Variants in STRC observed in about 807,000 individuals in gnomAD.
STRC encodes stereocilin.
A neutral mutation model predicts 103.5 loss-of-function variants in STRC; 43 were observed. The ratio of observed to expected loss-of-function variants is 0.42; its 90% CI spans 0.33 to 0.54. The LOEUF is 0.54. Ranked by LOEUF, STRC falls within the 20% of genes least tolerant of loss-of-function variation. The probability of loss-of-function intolerance (pLI) is 0.14; values close to 1 mark genes in which losing one functional copy is unlikely to be tolerated. For missense variants in STRC, 499 were observed against 1,088.5 expected, an observed-to-expected ratio of 0.46 and a Z score of 7.62; for synonymous variants, 186 against 442.3, an observed-to-expected ratio of 0.42 and a Z score of 7.27.
At chr15:43,602,121 C>CAAAAA (rs35561492) in intron 23 of STRC, among the ~76,000 whole-genome samples, 1 of 38,266 alleles carries the variant, frequency 2.6e-5, no homozygotes, top group African/African-American at 8.9e-5. Context: ...GACTCTGTCT[C>CAAAAA]AAAAAAAAAA....
At chr15:43,603,094 C>T in intron 23 of STRC, 148 bp downstream of exon 23, 1 of 825,286 alleles carries the variant, frequency 1.2e-6, no homozygotes, top group Non-Finnish European at 2.0e-6. Flanking sequence ...ATTTATCTCC[C>T]TTCACCTCCT....
At chr15:43,606,495 C>G (rs2597063) in intron 18 of STRC, among the ~76,000 whole-genome samples, 61 of 150,850 alleles carry the variant, frequency 4.0e-4, no homozygotes, top group East Asian at 2.7e-3. Flanking sequence ...AGCTACTCAG[C>G]AGGCTGAGGC....
chr15:43,612,682 T>TA, intron 9 of STRC, 109 bp downstream of exon 9: 7 of 13,226 alleles, frequency 5.3e-4, no homozygotes, highest in South Asian at 4.0e-3. Flanking sequence ...GGCCACTGCC[T>TA]ACTCTCTTGC....
At chr15:43,607,405 A>G in intron 18 of STRC, among the ~76,000 whole-genome samples, 1 of 143,042 alleles carries the variant, frequency 7.0e-6, no homozygotes, top group African/African-American at 2.7e-5. Context: ...GGGGCCACTC[A>G]TAAATATGAC....
chr15:43,603,180 G>C, intron 23 of STRC, 62 bp downstream of exon 23: 36 of 1,561,456 alleles, frequency 2.3e-5, no homozygotes, highest in Non-Finnish European at 3.2e-5. Context: ...TTCTCTTTGT[G>C]TCCTACATCA....
chr15:43,605,382 C>A lies in STRC; in HGVS notation c.3812G>T (p.Arg1271Ile). 2 of 1,601,802 alleles carry A rather than the reference C, an allele frequency of 1.2e-6. 1 individual carries two copies. Among genetic ancestry groups the A allele is most frequent in the Non-Finnish European group, 1.7e-6 (2 of 1,173,210 alleles). ...LLDLPIQLMD[R>I]LSNESIMLVV... ...CAACATAATGGATTCATTGGATAGT[C>A]TGTCCATCAACTGGATCCTATTACA... Residue 1271 changes from arginine to isoleucine, a missense_variant, in exon 19 of 29, where the codon AGA (arginine) becomes ATA (isoleucine). Arg to Ile is a moderately conservative substitution (Grantham distance 97). Coordinates refer to ENST00000450892, the MANE Select transcript of STRC (RefSeq NM_153700.2).
rs1478291301 is a variant in STRC at position 43,603,935 on chromosome 15, C to G, written c.4375+61G>C. The G allele has an allele frequency of 1.9e-6, 3 of 1,609,936 alleles. No homozygotes were observed. The East Asian group carries it at 6.7e-5, about 36-fold the overall frequency. ...TCCCAGGGAAGAGCACATGTAGAAC[C>G]CAGACCGTTTGATACTCCCTGTACA... On this transcript the variant is annotated intron_variant, in intron 22 of 28. Transcript: ENST00000450892.
In STRC at chr15:43,601,464, C is replaced by T. The variant is rs2085667843; in HGVS notation, c.4633G>A (p.Glu1545Lys). The T allele has an allele frequency of 1.2e-6, 2 of 1,613,784 alleles. No homozygotes were observed. The highest frequency in any genetic ancestry group is 4.5e-5 in the East Asian group (2 of 44,844). The part of the protein sequence containing the change: ...LIGLGDRELQ[E>K]LILVDWGVLS... ...ACTCCCCAGTCCACTAGGATCAGCT[C>T]CTGTAGTTCCCGATCTCCTAGACCT... is the stretch of plus-strand genomic sequence containing the variant. Residue 1545 changes from glutamate (E) to lysine (K), a missense_variant, in exon 24 of 29, where the codon GAG becomes AAG. Coordinates refer to ENST00000450892, the MANE Select transcript of STRC (RefSeq NM_153700.2).
At chr15:43,601,299 G>A (rs1567116372) in intron 24 of STRC, 97 bp downstream of exon 24, 1 of 1,559,704 alleles carries the variant, frequency 6.4e-7, no homozygotes, top group Non-Finnish European at 8.8e-7. Flanking sequence ...ACCAGGTAGG[G>A]TCACAGGAAA....
At chr15:43,601,604 T>G (rs568139191) in intron 23 of STRC, 53 bp from the exon 24 acceptor site, 49 of 1,590,708 alleles carry the variant, frequency 3.1e-5, no homozygotes, top group Middle Eastern at 3.3e-4. Context: ...TTGGGAGTCA[T>G]ACTGCTGGGT....
In STRC at chr15:43,607,930, C is replaced by G; in HGVS notation, c.3727G>C (p.Glu1243Gln). The G allele has an allele frequency of 6.2e-7, 1 of 1,608,092 alleles. No individual in the cohort carries two copies. Among genetic ancestry groups the G allele is most frequent in the East Asian group, 2.2e-5 (1 of 44,692 alleles). ...AELQRRMAMP[E>Q]PEWTTVGPEL... ...GGCCCTACAGTTGTCCATTCTGGTT[C>G]TGGCATTGCCATCCTCCGCTGTAGC... The change falls in exon 18 of 29, where the codon GAA becomes CAA. Residue 1243 changes from glutamate to glutamine, a missense_variant. Physicochemically the swap from Glu to Gln is conservative, Grantham distance 29. Transcript: ENST00000450892.
chr15:43,600,713 A>T (rs1166117563), intron 25 of STRC, 31 bp from the exon 26 acceptor site: 1 of 1,612,806 alleles, frequency 6.2e-7, no homozygotes, highest in Non-Finnish European at 8.5e-7. Context: ...AGGAAGAAGA[A>T]TTCGGCTTCA....
chr15:43,603,766 A>C (rs2085691281), intron 22 of STRC, among the ~76,000 whole-genome samples: 1 of 152,020 alleles, frequency 6.6e-6, no homozygotes, highest in Admixed American at 6.6e-5. Context: ...TCTAGAGCAG[A>C]CACGAGAGAG....
Position 43,601,538 on chromosome 15 carries a change from G to C in STRC, c.4559C>G (p.Pro1520Arg), listed in dbSNP as rs1246240978. The change falls in exon 24 of 29, where the codon CCC (proline) becomes CGC (arginine). Residue 1520 changes from proline (P) to arginine (R), a missense_variant. Coordinates refer to ENST00000450892, the MANE Select transcript of STRC (RefSeq NM_153700.2). Reference protein sequence around the residue: ...MGKAKQLWGPPRGFRPEQILQ... With the variant: ...MGKAKQLWGPRRGFRPEQILQ... ...GATCTGCTCAGGACGAAATCCCCGGGGGGGACCCCACAACTAGGAGAAAGA... is the reference window on the plus strand; with the variant it reads ...GATCTGCTCAGGACGAAATCCCCGGCGGGGACCCCACAACTAGGAGAAAGA... The C allele has an allele frequency of 1.9e-6, 3 of 1,613,820 alleles. No individual in the cohort carries two copies. Among genetic ancestry groups the C allele is most frequent in the South Asian group, 2.2e-5 (2 of 91,066 alleles).
At chr15:43,607,010 A>C (rs1198793752) in intron 18 of STRC, among the ~76,000 whole-genome samples, 3 of 150,240 alleles carry the variant, frequency 2.0e-5, no homozygotes, top group Admixed American at 1.3e-4. Flanking sequence ...AAAAAAAAAA[A>C]AAAAGAAAAA....
intron 23 of STRC, chr15:43,601,812 A>G (rs997406760): frequency 2.8e-5 from 13 of 470,402 alleles, no homozygotes; most frequent in African/African-American, 2.6e-4. Flanking sequence ...TCAGACACAG[A>G]GACGCTTATT....
chr15:43,600,585 G>C lies in STRC; in HGVS notation c.4942C>G (p.Pro1648Ala). Residue 1648 changes from proline to alanine, a missense_variant, in exon 26 of 29, where the codon CCA (proline) becomes GCA (alanine). Pro to Ala is a conservative substitution (Grantham distance 27). Transcript: ENST00000450892. ...HLLVLPGGFGPISNWGPEIFT... is the reference protein window; with the variant it reads ...HLLVLPGGFGAISNWGPEIFT... ...ATCTCAGGCCCCCAGTTACTGATTG[G>C]GCCAAACCCACCAGGCAGTACAAGT... 1 of 1,613,192 alleles carries C rather than the reference G, an allele frequency of 6.2e-7. No individual in the cohort carries two copies. Among genetic ancestry groups the C allele is most frequent in the Non-Finnish European group, 8.5e-7 (1 of 1,179,722 alleles).
chr15:43,605,157 AG>A (rs1211291024), intron 19 of STRC, 106 bp downstream of exon 19: 1 of 1,551,512 alleles, frequency 6.4e-7, no homozygotes, highest in African/African-American at 1.4e-5. Flanking sequence ...TCTGTTTGGC[AG>A]CAAGAAAGCA....
At chr15:43,600,372 C>T (rs1331498540) in intron 26 of STRC, 79 bp from the exon 27 acceptor site, 1 of 913,362 alleles carries the variant, frequency 1.1e-6, no homozygotes, top group Non-Finnish European at 1.7e-6. Context: ...TCTCTAACTA[C>T]TCCCAAAGTG....
Sources: allele counts gnomAD v4.1 joint callset (sites outside exome capture counted in the v4.1 genomes callset), GRCh38; gene constraint gnomAD v4.1.1; transcripts MANE v1.5; gene names NCBI Gene and HGNC (gene_info 2026-07-23, HGNC 2026-07-21).